The following KHDRBS3 variants were observed in gnomAD, a reference collection of about 807,000 sequenced individuals.
KHDRBS3 encodes KH RNA binding domain containing, signal transduction associated 3, also known as KH domain-containing, RNA-binding, signal transduction-associated protein 3.
In KHDRBS3, 23 loss-of-function variants were observed where a neutral mutation model predicts 45.6. That is an observed-to-expected ratio of 0.50 (90% CI 0.36 to 0.72). The LOEUF is 0.72. Among genes scored for constraint, KHDRBS3 ranks in the 30% least tolerant of loss-of-function variants. KHDRBS3 has a pLI of 0.00. For synonymous variants in KHDRBS3, 162 were observed against 156.5 expected (o/e 1.04, Z -0.26); for missense variants, 352 against 424.8 (o/e 0.83, Z 1.51).
chr8:135,586,344 G>T (rs1828473172), intron 6 of KHDRBS3, among the ~76,000 whole-genome samples: 2 of 151,704 alleles, frequency 1.3e-5, no homozygotes, highest in South Asian at 2.1e-4. Flanking sequence ...AAAAAACAGT[G>T]TTCCACTAGC....
chr8:135,583,509 A>G (rs1828315785), intron 6 of KHDRBS3, among the ~76,000 whole-genome samples: 1 of 152,098 alleles, frequency 6.6e-6, no homozygotes, highest in Non-Finnish European at 1.5e-5. Context: ...GTTCATTTCC[A>G]CTTTGGCTTA....
At position 135,614,706 on chromosome 8, in the gene KHDRBS3, G is replaced by A. The variant is rs1288034210; in HGVS notation, c.890+7669G>A. Among the ~76,000 whole-genome samples, 36 of 150,688 alleles carry A rather than the reference G, an allele frequency of 2.4e-4. 2 individuals carry two copies. Among genetic ancestry groups the A allele is most frequent in the Admixed American group, 1.4e-3 (22 of 15,188 alleles). ...TTAATTCCCAAGACCCCATGGTAAG[G>A]GAAAAAAAAACAAAAAAAAGAGTAG... On this transcript the variant is annotated intron_variant, in intron 7 of 8. Coordinates refer to ENST00000355849, the MANE Select transcript of KHDRBS3 (RefSeq NM_006558.3).
At chr8:135,570,618 C>A (rs1827654943) in intron 5 of KHDRBS3, among the ~76,000 whole-genome samples, 1 of 152,060 alleles carries the variant, frequency 6.6e-6, no homozygotes, top group African/African-American at 2.4e-5. Flanking sequence ...ATTTAAATTG[C>A]TTGTTTCTCT....
chr8:135,550,966 A>G (rs1826560643), intron 4 of KHDRBS3, among the ~76,000 whole-genome samples: 1 of 152,194 alleles, frequency 6.6e-6, no homozygotes, highest in Non-Finnish European at 1.5e-5. Flanking sequence ...ATTGATTTGT[A>G]AATATTGTAT....
intron 7 of KHDRBS3, among the ~76,000 whole-genome samples, chr8:135,641,505 G>A (rs919423905): frequency 6.6e-6 from 1 of 152,230 alleles, no homozygotes; most frequent in Non-Finnish European, 1.5e-5. Context: ...AGAAGACTGA[G>A]GTTCATTTAA....
rs16905408 is a variant in KHDRBS3 at position 135,556,654 on chromosome 8, G to T, written c.472-794G>T. ...ATTACCCCTTTAATTCTCATCCTGA[G>T]GCAGGACTTCTTGTAACAAACTTAC... On this transcript the variant is annotated intron_variant, in intron 4 of 8. Transcript: ENST00000355849. 8.0e-3 allele frequency among the ~76,000 whole-genome samples: 1,213 copies of T among 152,138 alleles called. 15 individuals are homozygous for T. Among genetic ancestry groups the T allele is most frequent in the African/African-American group, 0.025 (1,058 of 41,506 alleles).
chr8:135,600,999 TC>T (rs1829187422), intron 6 of KHDRBS3, among the ~76,000 whole-genome samples: 1 of 152,182 alleles, frequency 6.6e-6, no homozygotes, highest in African/African-American at 2.4e-5. Context: ...TTATTTAGCT[TC>T]TTCCAAAGGA....
chr8:135,583,869 G>A (rs1035588474), intron 6 of KHDRBS3, among the ~76,000 whole-genome samples: 56 of 152,150 alleles, frequency 3.7e-4, no homozygotes, highest in Non-Finnish European at 6.9e-4. Flanking sequence ...GTCCAAAGGA[G>A]GAAAAGCAAA....
intron 1 of KHDRBS3, chr8:135,458,742 A>G (rs978456385): frequency 2.7e-5 from 11 of 408,700 alleles, no homozygotes; most frequent in Non-Finnish European, 5.3e-5. Context: ...ATAGTGGTGA[A>G]GGGAGTCCTT....
chr8:135,473,976 G>A (rs1822144557), intron 1 of KHDRBS3, among the ~76,000 whole-genome samples: 1 of 152,110 alleles, frequency 6.6e-6, no homozygotes. Flanking sequence ...AGAGAACAGC[G>A]GGATCCTTGT....
chr8:135,616,032 G>A (rs1261018736), intron 7 of KHDRBS3, among the ~76,000 whole-genome samples: 1 of 152,148 alleles, frequency 6.6e-6, no homozygotes, highest in Non-Finnish European at 1.5e-5. Context: ...AATAAAAAAG[G>A]AAAATGTTTT....
intron 1 of KHDRBS3, among the ~76,000 whole-genome samples, chr8:135,482,171 G>T (rs910632372): frequency 6.6e-6 from 1 of 152,140 alleles, no homozygotes; most frequent in African/African-American, 2.4e-5. Context: ...TGGGTTTTGC[G>T]AAGTTAATAA....
chr8:135,640,842 G>GT (rs1298931444), intron 7 of KHDRBS3, among the ~76,000 whole-genome samples: 4 of 152,136 alleles, frequency 2.6e-5, no homozygotes, highest in African/African-American at 4.8e-5. Context: ...GATTTTTAGT[G>GT]TTTTTTCCCT....
chr8:135,599,682 A>G (rs1404065713), intron 6 of KHDRBS3, among the ~76,000 whole-genome samples: 1 of 152,216 alleles, frequency 6.6e-6, no homozygotes, highest in African/African-American at 2.4e-5. Context: ...GACCTTACAG[A>G]CTAGTGAGAG....
intron 7 of KHDRBS3, among the ~76,000 whole-genome samples, chr8:135,611,323 C>T (rs1038146170): frequency 2.0e-5 from 3 of 152,020 alleles, no homozygotes; most frequent in Non-Finnish European, 4.4e-5. Flanking sequence ...TGCTTCAGAT[C>T]GTACAGTTTA....
intron 7 of KHDRBS3, among the ~76,000 whole-genome samples, chr8:135,610,614 C>T (rs1271725180): frequency 3.3e-5 from 5 of 151,766 alleles, no homozygotes; most frequent in Admixed American, 2.0e-4. Context: ...TTATCGTGAG[C>T]GGTCTGAGGA....
intron 1 of KHDRBS3, among the ~76,000 whole-genome samples, chr8:135,463,381 T>C (rs759801055): frequency 4.6e-5 from 7 of 152,134 alleles, no homozygotes; most frequent in Non-Finnish European, 8.8e-5. Context: ...AGTCAACAGT[T>C]CTGCCCATAT....
chr8:135,535,215 TATTAACTATA>T (rs1825675112), intron 2 of KHDRBS3, among the ~76,000 whole-genome samples: 1 of 148,870 alleles, frequency 6.7e-6, no homozygotes, highest in Non-Finnish European at 1.5e-5. Flanking sequence ...CTGTTTATTA[TATTAACTATA>T]ATAAACTATT....
At chr8:135,473,994 T>C (rs1292240877) in intron 1 of KHDRBS3, among the ~76,000 whole-genome samples, 1 of 152,232 alleles carries the variant, frequency 6.6e-6, no homozygotes, top group African/African-American at 2.4e-5. Flanking sequence ...TGTTGTCCTC[T>C]AGAGACTTGA....
Sources: allele counts gnomAD v4.1 joint callset (sites outside exome capture counted in the v4.1 genomes callset), GRCh38; gene constraint gnomAD v4.1.1; transcripts MANE v1.5; gene names NCBI Gene and HGNC (gene_info 2026-07-23, HGNC 2026-07-21).